The following ARL13B variants were observed in gnomAD, a reference collection of about 807,000 sequenced individuals.
The protein encoded by ARL13B is ARF like GTPase 13B, also known as ADP-ribosylation factor-like protein 13B.
In ARL13B, 36 loss-of-function variants were observed where a neutral mutation model predicts 56.1. The ratio of observed to expected loss-of-function variants is 0.64; its 90% confidence interval spans 0.49 to 0.85. ARL13B has a LOEUF of 0.85. Ranked by LOEUF, ARL13B falls within the 40% of genes least tolerant of loss-of-function variation. ARL13B has a pLI of 0.00. For missense variants in ARL13B, 519 were observed against 507.1 expected, an observed-to-expected ratio of 1.02 and a Z score of -0.23; for synonymous variants, 178 against 171.1, an observed-to-expected ratio of 1.04 and a Z score of -0.32.
At chr3:94,031,680 C>G (rs1050520948) in intron 3 of ARL13B, among the ~76,000 whole-genome samples, 2 of 152,102 alleles carry the variant, frequency 1.3e-5, no homozygotes, top group African/African-American at 4.8e-5. Flanking sequence ...TACCAAAAAG[C>G]CTGAATAGCC....
In ARL13B at chr3:93,980,211, A is replaced by G. The variant is rs982112909; in HGVS notation, c.-213A>G. 2 of 706,284 alleles carry G rather than the reference A, an allele frequency of 2.8e-6. No homozygotes were observed. Among genetic ancestry groups the G allele is most frequent in the South Asian group, 3.0e-5 (2 of 67,100 alleles). The allele number at this position is 706,284 out of a possible 1,614,324, so 43.8% of individuals were successfully genotyped here. A position where few individuals can be genotyped will look rare whatever the true frequency, so the allele number is the denominator to read the frequency against. On this transcript the variant is annotated 5_prime_UTR_variant, in exon 1 of 10. Coordinates refer to ENST00000394222, the MANE Select transcript of ARL13B (RefSeq NM_001174150.2). ...CTACGGTGTATCTGCGTCTTTGGTC[A>G]GGTTGTTCCTTGGCTAAGAGGGCAG...
intron 9 of ARL13B, among the ~76,000 whole-genome samples, 162 bp downstream of exon 9, chr3:94,051,054 T>G (rs767140091): frequency 1.6e-4 from 25 of 152,184 alleles, no homozygotes; most frequent in Non-Finnish European, 3.2e-4. Context: ...TTTAATTTTT[T>G]ATTCTTAAGT....
intron 7 of ARL13B, 68 bp from the exon 8 acceptor site, chr3:94,049,338 C>T: frequency 3.3e-6 from 3 of 910,892 alleles, no homozygotes; most frequent in East Asian, 2.5e-5. Flanking sequence ...TTGTTGTATT[C>T]TTTGTTTTCT....
intron 7 of ARL13B, among the ~76,000 whole-genome samples, chr3:94,046,956 G>T (rs2076993618): frequency 1.3e-5 from 2 of 151,858 alleles, no homozygotes; most frequent in South Asian, 4.1e-4. Context: ...ACACAACTTG[G>T]GATAGAATCT....
chr3:94,039,842 C>A (rs778408597), intron 5 of ARL13B, 38 bp from the exon 6 acceptor site: 3 of 1,584,730 alleles, frequency 1.9e-6, no homozygotes, highest in Admixed American at 3.4e-5. Flanking sequence ...TCAGCACTTT[C>A]TCAAAGGAAA....
At chr3:94,025,266 CT>C (rs532538038) in intron 3 of ARL13B, among the ~76,000 whole-genome samples, 1 of 151,092 alleles carries the variant, frequency 6.6e-6, no homozygotes, top group African/African-American at 2.4e-5. Flanking sequence ...ACAAAATATC[CT>C]TTTTTTAATA....
chr3:94,044,355 G>T (rs2076935783), intron 7 of ARL13B, among the ~76,000 whole-genome samples: 1 of 146,742 alleles, frequency 6.8e-6, no homozygotes, highest in South Asian at 2.2e-4. Context: ...ACCCCGTCTG[G>T]GATGTGAGGA....
intron 1 of ARL13B, among the ~76,000 whole-genome samples, chr3:93,987,021 C>T (rs531301379): frequency 2.6e-4 from 40 of 152,204 alleles, no homozygotes; most frequent in Non-Finnish European, 4.9e-4. Context: ...AAAGTATTGT[C>T]TTCCTTAGTT....
intron 2 of ARL13B, among the ~76,000 whole-genome samples, 173 bp downstream of exon 2, chr3:93,996,117 A>C (rs1305963349): frequency 1.3e-5 from 2 of 152,214 alleles, no homozygotes; most frequent in Non-Finnish European, 2.9e-5. Context: ...TCTTAATGGG[A>C]CCAGACTATT....
At chr3:94,010,955 A>T (rs1301549804) in intron 3 of ARL13B, among the ~76,000 whole-genome samples, 1 of 152,076 alleles carries the variant, frequency 6.6e-6, no homozygotes, top group East Asian at 1.9e-4. Flanking sequence ...CAACAGAGAG[A>T]CGTCTATCAC....
intron 3 of ARL13B, among the ~76,000 whole-genome samples, chr3:94,009,128 T>C (rs947819057): frequency 5.2e-5 from 7 of 135,090 alleles, no homozygotes; most frequent in African/African-American, 1.9e-4. Flanking sequence ...TAGATATTCT[T>C]GACCCTGGTC....
chr3:94,014,548 T>C (rs774893160), intron 3 of ARL13B: 27 of 1,612,772 alleles, frequency 1.7e-5, no homozygotes, highest in Non-Finnish European at 2.0e-5. Flanking sequence ...TCCTTGTTCC[T>C]CTACTAAAAG....
intron 1 of ARL13B, among the ~76,000 whole-genome samples, chr3:93,982,296 T>A (rs1375886534): frequency 4.6e-5 from 7 of 152,236 alleles, no homozygotes; most frequent in Admixed American, 4.6e-4. Context: ...TTTAGCTGCA[T>A]AACCCAGAGT....
intron 3 of ARL13B, among the ~76,000 whole-genome samples, chr3:94,027,226 A>G (rs570902825): frequency 6.6e-6 from 1 of 152,216 alleles, no homozygotes; most frequent in African/African-American, 2.4e-5. Context: ...AAGTGAAAGC[A>G]GAGGATCTTA....
chr3:94,032,824 AAAG>A (rs1228612084), intron 3 of ARL13B, among the ~76,000 whole-genome samples: 1 of 152,216 alleles, frequency 6.6e-6, no homozygotes, highest in African/African-American at 2.4e-5. Flanking sequence ...AGACCTAAAA[AAAG>A]AACTACCATT....
chr3:93,985,871 C>G (rs1575923305), intron 1 of ARL13B, among the ~76,000 whole-genome samples: 2 of 152,234 alleles, frequency 1.3e-5, no homozygotes, highest in East Asian at 3.9e-4. Flanking sequence ...TTTGCTGTGG[C>G]CAAGTCTAAA....
Position 93,983,998 on chromosome 3 carries a change from A to C in ARL13B, c.59+3516A>C, listed in dbSNP as rs188244518. ...GATAACATGAATAGTCAGTTACCAC[A>C]TATTTTTTATGTTATATGTATAATT... On this transcript the variant is annotated intron_variant, in intron 1 of 9. Coordinates refer to ENST00000394222, the MANE Select transcript of ARL13B (RefSeq NM_001174150.2). 4.6e-5 allele frequency among the ~76,000 whole-genome samples: 7 copies of C among 152,296 alleles called. No individual in the cohort carries two copies. In the East Asian group the frequency reaches 5.8e-4, roughly 13 times the overall value.
chr3:94,004,107 A>G (rs1333417385), intron 3 of ARL13B, among the ~76,000 whole-genome samples, 199 bp downstream of exon 3: 1 of 152,160 alleles, frequency 6.6e-6, no homozygotes, highest in Non-Finnish European at 1.5e-5. Flanking sequence ...AGGCTATAGA[A>G]TTCTTAAAAG....
rs1385946929 is a variant in ARL13B at position 94,039,815 on chromosome 3, G to A, written c.690-65G>A. 3.5e-6 allele frequency: 5 copies of A among 1,431,330 alleles called. No homozygotes were observed. In the East Asian group the frequency reaches 9.3e-5, roughly 27 times the overall value. 88.7% of individuals were successfully genotyped at this position (1,431,330 alleles called of 1,614,324 possible). A position where few individuals can be genotyped will look rare whatever the true frequency, so the allele number is the denominator to read the frequency against. On this transcript the variant is annotated intron_variant, in intron 5 of 9. Transcript: ENST00000394222. ...ATGTAATAGCCTTATACCTATTGCAGTTTTCTTTAACATGGTTCAGCACTT... is the reference window on the plus strand; with the variant it reads ...ATGTAATAGCCTTATACCTATTGCAATTTTCTTTAACATGGTTCAGCACTT...
Sources: gnomAD v4.1 joint callset for allele counts (sites outside exome capture counted in the v4.1 genomes callset) on GRCh38, gnomAD v4.1.1 for gene constraint, MANE v1.5 for transcripts, NCBI Gene and HGNC (gene_info 2026-07-23, HGNC 2026-07-21) for gene names.